Variants in FDFT1 observed in about 807,000 individuals in gnomAD.
FDFT1 encodes the protein squalene synthase.
FDFT1 carries 68 observed loss-of-function variants against 46.8 expected under a neutral mutation model. That is an observed-to-expected ratio of 1.45 (90% CI 1.19 to 1.78). FDFT1 has a LOEUF of 1.78. Among genes scored for constraint, FDFT1 ranks in the 40% most tolerant of loss-of-function variants. FDFT1 has a pLI of 0.00. For synonymous variants in FDFT1, 351 were observed against 185.1 expected, an observed-to-expected ratio of 1.90 and a Z score of -7.28; for missense variants, 928 against 524.4, an observed-to-expected ratio of 1.77 and a Z score of -7.52.
intron 3 of FDFT1, among the ~76,000 whole-genome samples, chr8:11,819,594 T>A (rs940173269): frequency 6.6e-6 from 1 of 152,262 alleles, no homozygotes; most frequent in African/African-American, 2.4e-5. Flanking sequence ...TTCATTAATT[T>A]GATCTTCGAT....
intron 3 of FDFT1, among the ~76,000 whole-genome samples, chr8:11,815,676 G>C (rs1224687599): frequency 6.6e-6 from 1 of 152,188 alleles, no homozygotes; most frequent in African/African-American, 2.4e-5. Context: ...CTTCCTTTGA[G>C]AAGTGTCTGT....
Position 11,802,782 on chromosome 8 carries a change from G to A in FDFT1, c.-51G>A, listed in dbSNP as rs1244661630. 2.1e-6 allele frequency: 3 copies of A among 1,444,904 alleles called. No individual in the cohort carries two copies. The highest frequency in any genetic ancestry group is 2.8e-5 in the African/African-American group (2 of 71,282). 89.5% of individuals were successfully genotyped at this position (1,444,904 alleles called of 1,614,324 possible). On this transcript the variant is annotated 5_prime_UTR_variant, in exon 1 of 8. Coordinates refer to ENST00000220584, the MANE Select transcript of FDFT1 (RefSeq NM_004462.5). ...AGGTCCAGCCGGCCGGTGAGCGCCT[G>A]GGGACCGCAGAGGTGAGAGTCGCGC... is the stretch of plus-strand genomic sequence containing the variant.
chr8:11,799,231 G>A (rs1429394845), upstream of FDFT1, among the ~76,000 whole-genome samples: 6 of 152,228 alleles, frequency 3.9e-5, no homozygotes, highest in East Asian at 7.7e-4. Context: ...GTCCACGGTC[G>A]GCGGTCTTAT....
At chr8:11,817,109 G>T (rs765545099) in intron 3 of FDFT1, among the ~76,000 whole-genome samples, 8 of 152,076 alleles carry the variant, frequency 5.3e-5, no homozygotes, top group African/African-American at 1.9e-4. Context: ...AAGGCCTTTC[G>T]TGCATCTATT....
chr8:11,830,335 A>G lies in FDFT1; in HGVS notation c.794A>G (p.Asn265Ser), dbSNP rs140885465. 37 of 1,613,658 alleles carry G rather than the reference A, an allele frequency of 2.3e-5. No homozygotes were observed. The highest frequency in any genetic ancestry group is 1.3e-4 in the South Asian group (12 of 91,072). The change falls in exon 6 of 8, where the codon AAT becomes AGT. Residue 265 changes from asparagine to serine, a missense_variant. Physicochemically the swap from Asn to Ser is conservative, Grantham distance 46 (BLOSUM62 1). Transcript: ENST00000220584. ...AVQCLNELITNALHHIPDVIT... is the reference protein window; with the variant it reads ...AVQCLNELITSALHHIPDVIT... ...CAGTGCCTGAATGAACTTATAACCAATGCACTGCACCACATCCCAGATGTC... is the reference window on the plus strand; with the variant it reads ...CAGTGCCTGAATGAACTTATAACCAGTGCACTGCACCACATCCCAGATGTC...
chr8:11,818,619 C>T (rs1489053492), intron 3 of FDFT1, among the ~76,000 whole-genome samples: 1 of 152,018 alleles, frequency 6.6e-6, no homozygotes, highest in Non-Finnish European at 1.5e-5. Context: ...TATGTAGTGG[C>T]CTTCTTTGTC....
At chr8:11,825,944 T>C in intron 4 of FDFT1, 80 bp from the exon 5 acceptor site, 1 of 993,834 alleles carries the variant, frequency 1.0e-6, no homozygotes, top group Middle Eastern at 2.3e-4. Flanking sequence ...GAACCTGCTT[T>C]TTTGTAGCTA....
intron 1 of FDFT1, among the ~76,000 whole-genome samples, chr8:11,796,574 C>T (rs530200441): frequency 1.3e-5 from 2 of 152,218 alleles, no homozygotes; most frequent in South Asian, 2.1e-4. Flanking sequence ...GGAAGCTTTA[C>T]GGTGGAAAAG....
At chr8:11,803,107 G>T in intron 1 of FDFT1, 176 bp downstream of exon 1, 1 of 1,428,808 alleles carries the variant, frequency 7.0e-7, no homozygotes. Context: ...GGTGGACGCG[G>T]CCGTCCTGGC....
intron 2 of FDFT1, 26 bp from the exon 3 acceptor site, chr8:11,809,641 T>C (rs1807417748): frequency 1.9e-6 from 3 of 1,571,208 alleles, no homozygotes; most frequent in Admixed American, 2.0e-5. Flanking sequence ...TGTTCCAATA[T>C]ATTAATAGTT....
chr8:11,836,051 G>T (rs1421428604), intron 7 of FDFT1, among the ~76,000 whole-genome samples: 1 of 150,752 alleles, frequency 6.6e-6, no homozygotes, highest in Non-Finnish European at 1.5e-5. Context: ...TACTTGGGAG[G>T]CTGAGGCAGG....
chr8:11,817,130 TG>T (rs1808569760), intron 3 of FDFT1, among the ~76,000 whole-genome samples: 1 of 152,200 alleles, frequency 6.6e-6, no homozygotes, highest in African/African-American at 2.4e-5. Context: ...GAGATAATCA[TG>T]TGGTTTTTGT....
chr8:11,808,720 AC>A, intron 1 of FDFT1, 73 bp from the exon 2 acceptor site: 8 of 1,459,158 alleles, frequency 5.5e-6, no homozygotes, highest in Non-Finnish European at 6.4e-6. Flanking sequence ...TCCCACTCCC[AC>A]TCCCACTCCC....
At position 11,805,364 on chromosome 8, in the gene FDFT1, C is replaced by T. The variant is rs1212711913; in HGVS notation, c.99+2433C>T. 4.6e-5 allele frequency among the ~76,000 whole-genome samples: 7 copies of T among 152,212 alleles called. No individual in the cohort carries two copies. In the East Asian group the frequency reaches 9.6e-4, roughly 21 times the overall value. ...TTTTAGGTGCATATCAGTAAATCTA[C>T]GGGCATATGCCGCCTGCAAGTTGTG... On this transcript the variant is annotated intron_variant, in intron 1 of 7. Coordinates refer to ENST00000220584, the MANE Select transcript of FDFT1 (RefSeq NM_004462.5).
chr8:11,811,484 G>A (rs1355377239), intron 3 of FDFT1, among the ~76,000 whole-genome samples: 1 of 152,214 alleles, frequency 6.6e-6, no homozygotes, highest in Non-Finnish European at 1.5e-5. Flanking sequence ...GCAGAAGTGA[G>A]GGAATATGAA....
rs201713766 is a variant in FDFT1 at position 11,821,764 on chromosome 8, T to C, written c.396T>C (p.Phe132=). Residue 132 remains phenylalanine (F), a synonymous_variant, in exon 4 of 8, where the codon TTT becomes TTC. Coordinates refer to ENST00000220584, the MANE Select transcript of FDFT1 (RefSeq NM_004462.5). ...TTCCATTTCAGATCTCCCTTGAGTTTAGAAATCTGGCTGAGAAATACCAAA... is the reference window on the plus strand; with the variant it reads ...TTCCATTTCAGATCTCCCTTGAGTTCAGAAATCTGGCTGAGAAATACCAAA... The part of the protein sequence containing the change: ...LEDFPTISLE[F]RNLAEKYQTV... The C allele has an allele frequency of 1.7e-4, 273 of 1,613,436 alleles. 2 individuals are homozygous for C. In the East Asian group the frequency reaches 4.9e-3, roughly 29 times the overall value.
chr8:11,803,590 G>A (rs1209976346), intron 1 of FDFT1: 4 of 718,324 alleles, frequency 5.6e-6, no homozygotes, highest in African/African-American at 1.9e-5. Flanking sequence ...ATGCATAGGA[G>A]GTGTTTTTAT....
At chr8:11,803,408 C>G in intron 1 of FDFT1, 3 of 1,288,822 alleles carry the variant, frequency 2.3e-6, no homozygotes, top group East Asian at 5.5e-5. Flanking sequence ...GCCTTGCTGC[C>G]TTCCATCGCT....
intron 3 of FDFT1, among the ~76,000 whole-genome samples, chr8:11,816,300 G>T (rs761024852): frequency 1.3e-5 from 2 of 152,152 alleles, no homozygotes; most frequent in Non-Finnish European, 2.9e-5. Context: ...GTCAGGTAGC[G>T]TGATGCCTCC....
Sources: gnomAD v4.1 joint callset for allele counts (sites outside exome capture counted in the v4.1 genomes callset) on GRCh38, gnomAD v4.1.1 for gene constraint, MANE v1.5 for transcripts, NCBI Gene and HGNC (gene_info 2026-07-23, HGNC 2026-07-21) for gene names.